The following SAMD4A variants were observed in gnomAD, a reference collection of about 807,000 sequenced individuals.
SAMD4A encodes the protein sterile alpha motif domain containing 4A.
In SAMD4A, 33 loss-of-function variants were observed where a neutral mutation model predicts 81.3. The observed-to-expected ratio is 0.41, with a 90% confidence interval of 0.31 to 0.54. The LOEUF (loss-of-function observed/expected upper bound fraction) is 0.54. Ranked by LOEUF, SAMD4A falls within the 20% of genes least tolerant of loss-of-function variation. SAMD4A has a pLI of 0.37. For synonymous variants in SAMD4A, 389 were observed against 382.1 expected, an observed-to-expected ratio of 1.02 and a Z score of -0.21; for missense variants, 854 against 951.1, an observed-to-expected ratio of 0.90 and a Z score of 1.34.
At chr14:54,751,583 A>G (rs957443460) in intron 6 of SAMD4A, 46 bp downstream of exon 6, 4 of 1,258,648 alleles carry the variant, frequency 3.2e-6, no homozygotes, top group Non-Finnish European at 4.6e-6. Context: ...TTATGGGAAA[A>G]TGGACCAAGG....
At chr14:54,706,326 G>T (rs1202902340) in intron 3 of SAMD4A, among the ~76,000 whole-genome samples, 1 of 142,434 alleles carries the variant, frequency 7.0e-6, no homozygotes, top group African/African-American at 2.6e-5. Flanking sequence ...AAAAAAGACC[G>T]GGCATTGGTG....
chr14:54,757,706 C>A lies in SAMD4A; in HGVS notation c.1177-2455C>A, dbSNP rs554218527. ...GATCACCCCAGCGTGGCTTTCCTAG[C>A]CCCTCTTCATGGGGAAGCTTCATCC... On this transcript the variant is annotated intron_variant, in intron 6 of 12. Transcript: ENST00000554335. 5.3e-5 allele frequency among the ~76,000 whole-genome samples: 8 copies of A among 152,262 alleles called. No homozygotes were observed. In the East Asian group the frequency reaches 1.4e-3, roughly 26 times the overall value.
chr14:54,766,459 G>C (rs2038546522), intron 8 of SAMD4A, among the ~76,000 whole-genome samples: 1 of 152,184 alleles, frequency 6.6e-6, no homozygotes, highest in Non-Finnish European at 1.5e-5. Flanking sequence ...GTGCCCTGGA[G>C]CACAGAGGAG....
intron 12 of SAMD4A, among the ~76,000 whole-genome samples, chr14:54,787,755 T>C (rs904193768): frequency 1.3e-4 from 20 of 152,342 alleles, no homozygotes; most frequent in African/African-American, 4.6e-4. Context: ...CAGACTGTTA[T>C]AGGGGCCTCT....
intron 2 of SAMD4A, among the ~76,000 whole-genome samples, chr14:54,638,230 T>C (rs1416530363): frequency 1.3e-5 from 2 of 152,190 alleles, no homozygotes; most frequent in Non-Finnish European, 2.9e-5. Flanking sequence ...TCTGCATGAT[T>C]CATGGGGGAC....
At chr14:54,751,671 C>A in intron 6 of SAMD4A, 134 bp downstream of exon 6, 2 of 693,808 alleles carry the variant, frequency 2.9e-6, no homozygotes, top group Non-Finnish European at 5.1e-6. Flanking sequence ...TCAGAGAAAA[C>A]GGAATGATTT....
At chr14:54,744,916 CCT>C (rs538301992) in intron 4 of SAMD4A, among the ~76,000 whole-genome samples, 4 of 152,170 alleles carry the variant, frequency 2.6e-5, no homozygotes, top group Admixed American at 2.6e-4. Flanking sequence ...TGGAGTTTAC[CCT>C]CTCTCTCTTC....
chr14:54,731,306 G>A (rs4901534), intron 3 of SAMD4A, among the ~76,000 whole-genome samples: 59,240 of 152,080 alleles, frequency 0.39, 14,157 homozygotes, highest in Non-Finnish European at 0.54. Flanking sequence ...TTCAGCAAAG[G>A]TTCTAGTGAT....
At chr14:54,757,267 A>G (rs917063848) in intron 6 of SAMD4A, among the ~76,000 whole-genome samples, 1 of 152,198 alleles carries the variant, frequency 6.6e-6, no homozygotes, top group Non-Finnish European at 1.5e-5. Flanking sequence ...GCCAAGTGTT[A>G]TCTTTGAGAC....
chr14:54,693,190 C>G (rs957191559), intron 2 of SAMD4A: 2 of 152,026 alleles, frequency 1.3e-5, no homozygotes, highest in Non-Finnish European at 2.9e-5. Flanking sequence ...TTTCCATGTT[C>G]CTGTTTTTAT....
intron 2 of SAMD4A, among the ~76,000 whole-genome samples, chr14:54,618,024 G>GC (rs2034530442): frequency 6.6e-6 from 1 of 152,152 alleles, no homozygotes; most frequent in African/African-American, 2.4e-5. Flanking sequence ...TTATTACCAT[G>GC]TTTTTTCCCG....
At chr14:54,579,151 A>T (rs1469122072) in intron 2 of SAMD4A, among the ~76,000 whole-genome samples, 1 of 152,250 alleles carries the variant, frequency 6.6e-6, no homozygotes, top group Admixed American at 6.5e-5. Flanking sequence ...ATACACACAC[A>T]AACACTATCT....
At chr14:54,754,620 C>T (rs1181532514) in intron 6 of SAMD4A, among the ~76,000 whole-genome samples, 4 of 152,172 alleles carry the variant, frequency 2.6e-5, no homozygotes, top group South Asian at 2.1e-4. Context: ...TTACCACTGA[C>T]GGCACCGGTG....
At chr14:54,675,940 G>A (rs1473168161) in intron 2 of SAMD4A, among the ~76,000 whole-genome samples, 1 of 152,184 alleles carries the variant, frequency 6.6e-6, no homozygotes, top group Non-Finnish European at 1.5e-5. Context: ...ACAAACCTTA[G>A]CCTAAATATA....
intron 2 of SAMD4A, among the ~76,000 whole-genome samples, chr14:54,585,321 C>A (rs1019464313): frequency 6.6e-6 from 1 of 152,178 alleles, no homozygotes; most frequent in Admixed American, 6.5e-5. Context: ...TGGTAAACAT[C>A]CTTTAAAGCA....
At chr14:54,643,106 GAA>G (rs2035210250) in intron 2 of SAMD4A, among the ~76,000 whole-genome samples, 1 of 152,238 alleles carries the variant, frequency 6.6e-6, no homozygotes, top group Non-Finnish European at 1.5e-5. Context: ...GCAGGAGGGG[GAA>G]AGTCTTTAAG....
chr14:54,609,171 T>C (rs556792151), intron 2 of SAMD4A, among the ~76,000 whole-genome samples: 4 of 152,214 alleles, frequency 2.6e-5, no homozygotes, highest in African/African-American at 9.6e-5. Flanking sequence ...ATTATTGTAG[T>C]GGGCTCAATG....
At position 54,732,084 on chromosome 14, in the gene SAMD4A, C is replaced by T. The variant is rs115738612; in HGVS notation, c.716-4940C>T. On this transcript the variant is annotated intron_variant, in intron 3 of 12. Transcript: ENST00000554335. ...CCATTGAAGGCTCACTCAACAAAGA[C>T]GGCATAAAGCAACAAATCATCTCTG... is the stretch of plus-strand genomic sequence containing the variant. Among the ~76,000 whole-genome samples the T allele has an allele frequency of 8.7e-4, 132 of 152,236 alleles. 1 individual carries two copies. The highest frequency in any genetic ancestry group is 3.0e-3 in the African/African-American group (125 of 41,538).
At chr14:54,761,435 G>A (rs111570822) in intron 7 of SAMD4A, among the ~76,000 whole-genome samples, 8 of 152,254 alleles carry the variant, frequency 5.3e-5, no homozygotes, top group African/African-American at 1.9e-4. Flanking sequence ...GTCATCTGGC[G>A]CCTCCTTGTT....
Sources: allele counts gnomAD v4.1 joint callset (sites outside exome capture counted in the v4.1 genomes callset), GRCh38; gene constraint gnomAD v4.1.1; transcripts MANE v1.5; gene names NCBI Gene and HGNC (gene_info 2026-07-23, HGNC 2026-07-21).